Variants in CAMKMT observed in about 807,000 individuals in gnomAD.
The protein encoded by CAMKMT is CaM KMT.
A neutral mutation model predicts 48.0 loss-of-function variants in CAMKMT; 53 were observed. The observed-to-expected ratio is 1.10, with a 90% CI of 0.89 to 1.39. CAMKMT has a LOEUF of 1.39. CAMKMT is among the 40% of genes most tolerant of loss of function. The probability of loss-of-function intolerance (pLI) is 0.00; values close to 1 mark genes in which losing one functional copy is unlikely to be tolerated. For synonymous variants in CAMKMT, 165 were observed against 152.3 expected (o/e 1.08, Z -0.61); for missense variants, 428 against 402.7 (o/e 1.06, Z -0.54).
At chr2:44,409,255 C>G (rs533220027) in intron 3 of CAMKMT, among the ~76,000 whole-genome samples, 14 of 151,340 alleles carry the variant, frequency 9.3e-5, no homozygotes, top group African/African-American at 3.1e-4. Flanking sequence ...ATGAATCCGG[C>G]ATTCTTGCAG....
chr2:44,750,943 G>A (rs1294267754), intron 8 of CAMKMT, among the ~76,000 whole-genome samples: 1 of 152,158 alleles, frequency 6.6e-6, no homozygotes, highest in East Asian at 1.9e-4. Context: ...AACCCAGGAG[G>A]TGGAGGTTGC....
chr2:44,362,137 C>T lies in CAMKMT; in HGVS notation c.130C>T (p.Leu44=), dbSNP rs1252263287. 4.7e-6 allele frequency: 7 copies of T among 1,476,968 alleles called. No homozygotes were observed. The highest frequency in any genetic ancestry group is 6.2e-6 in the Non-Finnish European group (7 of 1,125,536). 91.5% of individuals were successfully genotyped at this position (1,476,968 alleles called of 1,614,324 possible). ...CCTGGGAGCCGCCCGGTGGAAGCTC[C>T]TGCGGCAGGTAAGGGAGAACCTGCT... ...APLGAARWKL[L]RQVLKQKHLD... Residue 44 remains leucine (L), a synonymous_variant, in exon 1 of 11, where the codon CTG becomes TTG. Coordinates refer to ENST00000378494, the MANE Select transcript of CAMKMT (RefSeq NM_024766.5).
chr2:44,705,490 G>T, intron 4 of CAMKMT: 1 of 985,398 alleles, frequency 1.0e-6, no homozygotes, highest in Non-Finnish European at 1.2e-6. Flanking sequence ...GTGGGCCAGG[G>T]CGAGAATGTC....
intron 3 of CAMKMT, among the ~76,000 whole-genome samples, chr2:44,686,809 T>A (rs887130820): frequency 2.6e-5 from 4 of 152,248 alleles, no homozygotes; most frequent in African/African-American, 9.6e-5. Context: ...AATGCTCACT[T>A]ATCCAGTGTT....
intron 7 of CAMKMT, among the ~76,000 whole-genome samples, chr2:44,717,579 TTTTTTAGTGCCTCAGTGCATA>T (rs1411226300): frequency 2.6e-5 from 4 of 152,200 alleles, no homozygotes; most frequent in Non-Finnish European, 5.9e-5. Context: ...TTCAATATTC[TTTTTTAGTGCCTCAGTGCATA>T]TGCAGAATTT....
intron 3 of CAMKMT, among the ~76,000 whole-genome samples, chr2:44,407,419 G>A (rs1221480692): frequency 2.6e-5 from 4 of 152,108 alleles, no homozygotes; most frequent in Non-Finnish European, 4.4e-5. Context: ...CTCCCCAGAC[G>A]GCAATACACT....
intron 10 of CAMKMT, among the ~76,000 whole-genome samples, chr2:44,769,395 G>C (rs1240818952): frequency 2.0e-5 from 3 of 152,118 alleles, no homozygotes; most frequent in Non-Finnish European, 4.4e-5. Flanking sequence ...TAAAAATATT[G>C]CTTTTCAGTC....
At chr2:44,553,356 G>A (rs1455883708) in intron 3 of CAMKMT, among the ~76,000 whole-genome samples, 1 of 139,880 alleles carries the variant, frequency 7.1e-6, no homozygotes. Flanking sequence ...TTCATTCAGA[G>A]TGAGACACTT....
intron 3 of CAMKMT, among the ~76,000 whole-genome samples, chr2:44,574,709 C>T (rs562628148): frequency 6.6e-6 from 1 of 151,862 alleles, no homozygotes; most frequent in East Asian, 1.9e-4. Flanking sequence ...CTACAGAGTG[C>T]TCCCATCTAG....
chr2:44,455,903 T>C (rs577253776), intron 3 of CAMKMT, among the ~76,000 whole-genome samples: 2 of 152,344 alleles, frequency 1.3e-5, no homozygotes, highest in South Asian at 4.1e-4. Flanking sequence ...TCAGGAATCC[T>C]AACTTTGAAA....
intron 6 of CAMKMT, among the ~76,000 whole-genome samples, chr2:44,713,559 A>G (rs1415035311): frequency 6.6e-6 from 1 of 152,188 alleles, no homozygotes; most frequent in Non-Finnish European, 1.5e-5. Flanking sequence ...TTAGTTAATC[A>G]AAACAAGTAG....
At chr2:44,521,236 A>G (rs1163709733) in intron 3 of CAMKMT, among the ~76,000 whole-genome samples, 1 of 152,020 alleles carries the variant, frequency 6.6e-6, no homozygotes, top group Non-Finnish European at 1.5e-5. Context: ...TTTACAATTT[A>G]TCTCTTTTAT....
At chr2:44,554,411 T>C (rs1035069715) in intron 3 of CAMKMT, among the ~76,000 whole-genome samples, 2 of 152,188 alleles carry the variant, frequency 1.3e-5, no homozygotes, top group African/African-American at 4.8e-5. Context: ...TGCCTCATTT[T>C]TCATACAGCC....
rs1373124560 is a variant in CAMKMT at position 44,403,137 on chromosome 2, C to A, written c.376+12832C>A. On this transcript the variant is annotated intron_variant, in intron 3 of 10. Transcript: ENST00000378494. ...TGGGTTGATTCTTAGGGAACCCTGG[C>A]TGTCCATATGGTGTTTCCCTTGAGC... is the stretch of plus-strand genomic sequence containing the variant. Among the ~76,000 whole-genome samples the A allele has an allele frequency of 2.6e-5, 4 of 152,224 alleles. No homozygotes were observed. In the South Asian group the frequency reaches 8.3e-4, roughly 32 times the overall value.
intron 3 of CAMKMT, among the ~76,000 whole-genome samples, chr2:44,475,537 T>C (rs184586893): frequency 6.6e-6 from 1 of 152,182 alleles, no homozygotes; most frequent in East Asian, 1.9e-4. Context: ...AGGATGGTCT[T>C]GATCTCTTCA....
intron 3 of CAMKMT, among the ~76,000 whole-genome samples, chr2:44,414,233 A>T (rs942331875): frequency 6.6e-6 from 1 of 152,220 alleles, no homozygotes; most frequent in Non-Finnish European, 1.5e-5. Flanking sequence ...ATTGCTATAT[A>T]GCACATTGCC....
chr2:44,687,393 G>T (rs1168449921), intron 3 of CAMKMT, among the ~76,000 whole-genome samples: 1 of 152,160 alleles, frequency 6.6e-6, no homozygotes, highest in Non-Finnish European at 1.5e-5. Context: ...ATCTCGCCCA[G>T]TGCAACATAT....
chr2:44,772,237 T>A lies in CAMKMT; in HGVS notation c.*124T>A. On this transcript the variant is annotated 3_prime_UTR_variant, in exon 11 of 11. Transcript: ENST00000378494. ...CCTTTGCAGCATTTCACGTGTGGGCTATGGACTCCACCTGTCCTCACCCAC... is the reference window on the plus strand; with the variant it reads ...CCTTTGCAGCATTTCACGTGTGGGCAATGGACTCCACCTGTCCTCACCCAC... 1.4e-6 allele frequency: 1 copy of A among 729,466 alleles called. No homozygotes were observed. The highest frequency in any genetic ancestry group is 1.7e-5 in the South Asian group (1 of 57,332). The allele number at this position is 729,466 out of a possible 1,614,324, so 45.2% of individuals were successfully genotyped here.
intron 3 of CAMKMT, among the ~76,000 whole-genome samples, chr2:44,567,428 A>C (rs901299802): frequency 6.6e-6 from 1 of 152,216 alleles, no homozygotes; most frequent in South Asian, 2.1e-4. Flanking sequence ...CCGGCTATCA[A>C]CTGGGATAGA....
Sources: gnomAD v4.1 joint callset for allele counts (sites outside exome capture counted in the v4.1 genomes callset) on GRCh38, gnomAD v4.1.1 for gene constraint, MANE v1.5 for transcripts, NCBI Gene and HGNC (gene_info 2026-07-23, HGNC 2026-07-21) for gene names.